The following POC1B variants were observed in gnomAD, a reference collection of about 807,000 sequenced individuals.
POC1B encodes POC1 centriolar protein B, also known as POC1 centriolar protein homolog B.
POC1B carries 44 observed loss-of-function variants against 60.6 expected under a neutral mutation model. The ratio of observed to expected loss-of-function variants is 0.73; its 90% CI spans 0.57 to 0.93. The LOEUF (loss-of-function observed/expected upper bound fraction) is 0.93. POC1B is among the 40% of genes least tolerant of loss of function. POC1B has a pLI of 0.00. For synonymous variants in POC1B, 180 were observed against 198.9 expected, an observed-to-expected ratio of 0.90 and a Z score of 0.80; for missense variants, 555 against 572.3, an observed-to-expected ratio of 0.97 and a Z score of 0.31.
At chr12:89,441,920 C>A (rs1881539750) in intron 10 of POC1B, among the ~76,000 whole-genome samples, 1 of 151,718 alleles carries the variant, frequency 6.6e-6, no homozygotes, top group Non-Finnish European at 1.5e-5. Flanking sequence ...GCGTTTATGA[C>A]CTGATAGAGC....
At chr12:89,402,011 C>T in the POC1B span, among the ~76,000 whole-genome samples, 1 of 152,188 alleles carries the variant, frequency 6.6e-6, no homozygotes, top group Non-Finnish European at 1.5e-5. Flanking sequence ...GGCCATCATT[C>T]ATTTATCACC....
At chr12:89,482,938 T>G (rs1868424981) in intron 4 of POC1B, among the ~76,000 whole-genome samples, 1 of 151,930 alleles carries the variant, frequency 6.6e-6, no homozygotes, top group Non-Finnish European at 1.5e-5. Flanking sequence ...TTTTTTTTTT[T>G]TTTGAGATGG....
At chr12:89,431,207 C>G (rs1319980393) in intron 10 of POC1B, among the ~76,000 whole-genome samples, 1 of 152,154 alleles carries the variant, frequency 6.6e-6, no homozygotes, top group Admixed American at 6.5e-5. Flanking sequence ...TGGTTTACAA[C>G]TAACATTTCT....
At chr12:89,465,478 A>G (rs958199635) in intron 9 of POC1B, among the ~76,000 whole-genome samples, 1 of 152,238 alleles carries the variant, frequency 6.6e-6, no homozygotes, top group African/African-American at 2.4e-5. Context: ...AAAAATACCA[A>G]GAGTTAATAA....
chr12:89,446,601 G>A lies in POC1B; in HGVS notation c.1113+13037C>T, dbSNP rs114465518. Among the ~76,000 whole-genome samples, 1,343 of 152,188 alleles carry A rather than the reference G, an allele frequency of 8.8e-3. 21 individuals are homozygous for A. The highest frequency in any genetic ancestry group is 0.031 in the African/African-American group (1,294 of 41,526). ...GGAACATCACACACTGGGGCTTGTCGTGGGATGGGGAAGTGGGGAGGGATA... is the reference window on the plus strand; with the variant it reads ...GGAACATCACACACTGGGGCTTGTCATGGGATGGGGAAGTGGGGAGGGATA... On this transcript the variant is annotated intron_variant, in intron 10 of 11. Coordinates refer to ENST00000313546, the MANE Select transcript of POC1B (RefSeq NM_172240.3).
intron 2 of POC1B, among the ~76,000 whole-genome samples, chr12:89,513,218 C>T (rs1870270572): frequency 1.7e-5 from 2 of 119,520 alleles, no homozygotes; most frequent in South Asian, 5.4e-4. Context: ...AGAAGCTCCA[C>T]AAAGTACCAC....
chr12:89,480,729 T>C (rs1399977192), intron 4 of POC1B, among the ~76,000 whole-genome samples: 1 of 151,062 alleles, frequency 6.6e-6, no homozygotes, highest in African/African-American at 2.4e-5. Context: ...GCCTCCTGAG[T>C]AGCTGGGACT....
chr12:89,480,609 T>C (rs1165531528), intron 4 of POC1B, among the ~76,000 whole-genome samples: 1 of 141,726 alleles, frequency 7.1e-6, no homozygotes, highest in African/African-American at 2.6e-5. Flanking sequence ...TTTTTTTTTT[T>C]TTTTTTTTTT....
Position 89,490,287 on chromosome 12 carries a change from T to C in POC1B, c.452+1649A>G, listed in dbSNP as rs549713844. Among the ~76,000 whole-genome samples the C allele has an allele frequency of 3.3e-5, 5 of 152,254 alleles. No homozygotes were observed. The South Asian group carries it at 1.0e-3, about 32-fold the overall frequency. On this transcript the variant is annotated intron_variant, in intron 4 of 11. Coordinates refer to ENST00000313546, the MANE Select transcript of POC1B (RefSeq NM_172240.3). ...AAACTCACTTTCCTTATCTGCAAAA[T>C]AGGGAAAATAAAACAATCCTTCCCG...
At chr12:89,496,985 A>T (rs1378758224) in intron 3 of POC1B, 186 bp downstream of exon 3, 1 of 637,708 alleles carries the variant, frequency 1.6e-6, no homozygotes, top group African/African-American at 1.8e-5. Context: ...AATAGTTTTC[A>T]AAAAGAAGAC....
Position 89,421,182 on chromosome 12 carries a change from G to C in POC1B, c.1408C>G (p.Leu470Val), listed in dbSNP as rs1334927094. The C allele has an allele frequency of 6.2e-7, 1 of 1,602,042 alleles. No homozygotes were observed. The highest frequency in any genetic ancestry group is 2.2e-5 in the East Asian group (1 of 44,628). ...LKDCLENQQK[L>V]FSAVQQKS is the part of the protein sequence containing the mutation. ...CTTTTCTGTTGGACAGCACTGAAAA[G>C]CTTTTGCTGATTTTCAAGGCAGTCT... The change falls in exon 12 of 12, where the codon CTT becomes GTT. Residue 470 changes from leucine to valine, a missense_variant. Physicochemically the swap from Leu to Val is conservative, Grantham distance 32 (BLOSUM62 1). Coordinates refer to ENST00000313546, the MANE Select transcript of POC1B (RefSeq NM_172240.3).
intron 4 of POC1B, among the ~76,000 whole-genome samples, chr12:89,488,771 G>A (rs1868781874): frequency 1.3e-5 from 2 of 152,146 alleles, no homozygotes. Flanking sequence ...ACGGGCATGA[G>A]TCACTGCGCA....
In POC1B at chr12:89,525,892, C is replaced by T. The variant is rs777724193; in HGVS notation, c.4G>A (p.Ala2Thr). 6.1e-6 allele frequency: 9 copies of T among 1,469,498 alleles called. No homozygotes were observed. Among genetic ancestry groups the T allele is most frequent in the African/African-American group, 2.8e-5 (2 of 70,690 alleles). 91.0% of individuals were successfully genotyped at this position (1,469,498 alleles called of 1,614,324 possible). A position where few individuals can be genotyped will look rare whatever the true frequency, so the allele number is the denominator to read the frequency against. ...CAACCCGTCCTTACCGTGGCTGAGG[C>T]CATCGGGGGAGTGGTCGGCCCAAGG... is the stretch of plus-strand genomic sequence containing the variant. MASATEDPVLER... is the reference protein window; with the variant it reads MTSATEDPVLER... Residue 2 changes from alanine to threonine, a missense_variant, in exon 1 of 12, where the codon GCC becomes ACC. By Grantham distance (58) the Ala-to-Thr change is moderately conservative. Coordinates refer to ENST00000313546, the MANE Select transcript of POC1B (RefSeq NM_172240.3).
At chr12:89,457,009 A>C (rs1882288821) in intron 10 of POC1B, among the ~76,000 whole-genome samples, 1 of 152,216 alleles carries the variant, frequency 6.6e-6, no homozygotes, top group Admixed American at 6.5e-5. Context: ...TGAATTTTTA[A>C]GGAAATGTCC....
intron 11 of POC1B, 60 bp downstream of exon 11, chr12:89,425,101 C>A: frequency 6.5e-7 from 1 of 1,536,088 alleles, no homozygotes. Flanking sequence ...TTGCTGTATC[C>A]AGAATTGTTT....
At chr12:89,495,338 C>G (rs1243013887) in intron 3 of POC1B, among the ~76,000 whole-genome samples, 1 of 152,180 alleles carries the variant, frequency 6.6e-6, no homozygotes, top group Non-Finnish European at 1.5e-5. Flanking sequence ...CCTCTTGGAC[C>G]CCAAACTAGT....
At chr12:89,518,485 CCTG>C (rs1451129107) in intron 2 of POC1B, among the ~76,000 whole-genome samples, 30 of 152,260 alleles carry the variant, frequency 2.0e-4, no homozygotes, top group Admixed American at 1.8e-3. Flanking sequence ...AATTCTCCAG[CCTG>C]CTTTTTTTCC....
intron 2 of POC1B, chr12:89,524,179 C>A: frequency 6.2e-7 from 1 of 1,613,972 alleles, no homozygotes; most frequent in Non-Finnish European, 8.5e-7. Context: ...CTGGGACTTA[C>A]ACTCATACAT....
chr12:89,470,315 ATTTTATAT>A (rs1882839243), intron 7 of POC1B, 38 bp downstream of exon 7: 1 of 1,044,396 alleles, frequency 9.6e-7, no homozygotes, highest in African/African-American at 1.7e-5. Context: ...AATATATATT[ATTTTATAT>A]TTTTATATAT....
Sources: allele counts gnomAD v4.1 joint callset (sites outside exome capture counted in the v4.1 genomes callset), GRCh38; gene constraint gnomAD v4.1.1; transcripts MANE v1.5; gene names NCBI Gene and HGNC (gene_info 2026-07-23, HGNC 2026-07-21).